INPP5A: variants seen among roughly 807,000 people sequenced by gnomAD.
INPP5A encodes the protein inositol polyphosphate-5-phosphatase A.
A neutral mutation model predicts 65.2 loss-of-function variants in INPP5A; 14 were observed. The ratio of observed to expected loss-of-function variants is 0.21; its 90% CI spans 0.14 to 0.34. INPP5A has a LOEUF of 0.34. INPP5A is among the 10% of genes least tolerant of loss of function. The pLI is 1.00. For synonymous variants in INPP5A, 207 were observed against 208.3 expected, an observed-to-expected ratio of 0.99 and a Z score of 0.05; for missense variants, 431 against 545.6, an observed-to-expected ratio of 0.79 and a Z score of 2.09.
At chr10:132,640,548 G>A (rs753454246) in intron 2 of INPP5A, among the ~76,000 whole-genome samples, 17 of 152,358 alleles carry the variant, frequency 1.1e-4, no homozygotes, top group South Asian at 2.1e-4. Context: ...TAAGAGGCTC[G>A]CCCTGTGTAT....
chr10:132,609,745 C>T (rs1002570284), intron 2 of INPP5A, among the ~76,000 whole-genome samples: 4 of 152,132 alleles, frequency 2.6e-5, no homozygotes, highest in African/African-American at 9.7e-5. Context: ...CCCGGGTTCA[C>T]GCCATTCTCC....
intron 1 of INPP5A, among the ~76,000 whole-genome samples, chr10:132,606,569 G>A (rs146453097): frequency 0.01 from 1,555 of 152,358 alleles, 31 homozygotes; most frequent in African/African-American, 0.035. Context: ...TTCTTGTCAG[G>A]TTTTTTATTT....
intron 2 of INPP5A, among the ~76,000 whole-genome samples, chr10:132,630,509 A>G (rs540327377): frequency 2.0e-5 from 3 of 151,932 alleles, no homozygotes; most frequent in African/African-American, 7.2e-5. Context: ...CTTGAGGAAA[A>G]GGCATCCATG....
intron 14 of INPP5A, among the ~76,000 whole-genome samples, chr10:132,781,452 G>A (rs1847159876): frequency 6.6e-6 from 1 of 152,206 alleles, no homozygotes; most frequent in South Asian, 2.1e-4. Context: ...TTCCACGTTG[G>A]AGGCCCAGAG....
At chr10:132,745,055 G>A (rs1846344443) in intron 9 of INPP5A, among the ~76,000 whole-genome samples, 1 of 152,312 alleles carries the variant, frequency 6.6e-6, no homozygotes, top group Middle Eastern at 3.4e-3. Context: ...GGCTCAGGAG[G>A]CCACAGAGGT....
rs1273174105 is a variant in INPP5A at position 132,630,117 on chromosome 10, GA to G, written c.118-15750del. Among the ~76,000 whole-genome samples the G allele has an allele frequency of 2.7e-4, 41 of 152,144 alleles. 1 individual carries two copies. Among genetic ancestry groups the G allele is most frequent in the Admixed American group, 2.7e-3 (41 of 15,284 alleles). On this transcript the variant is annotated intron_variant, in intron 2 of 15. Transcript: ENST00000368594. ...TCCTTCAGAAAGGCATCTATGAGGGGATGATGTCCTCCAGGAAAAGGCGTCT... is the reference window on the plus strand; with the variant it reads ...TCCTTCAGAAAGGCATCTATGAGGGGTGATGTCCTCCAGGAAAAGGCGTCT...
intron 8 of INPP5A, among the ~76,000 whole-genome samples, chr10:132,721,504 T>G (rs1845879743): frequency 6.7e-6 from 1 of 150,280 alleles, no homozygotes; most frequent in African/African-American, 2.5e-5. Flanking sequence ...GGTGCCTGGG[T>G]TCTGTCTGGG....
intron 1 of INPP5A, among the ~76,000 whole-genome samples, chr10:132,591,612 G>T (rs1029883032): frequency 2.6e-5 from 4 of 152,342 alleles, no homozygotes; most frequent in African/African-American, 9.6e-5. Context: ...TTCTCTTCCA[G>T]CAGGCCTTCC....
rs2072711892 is a variant in INPP5A, at chr10:132,659,814, G to A, written c.306+9309G>A. ...CTGCCTGCCCTGGGAGGTGGAGCAT[G>A]GAGAAGGCCAGTGCCTCATCACAGA... On this transcript the variant is annotated intron_variant, in intron 4 of 15. Transcript: ENST00000368594. The surrounding 1 kb of genome is among the most constrained non-coding windows in gnomAD (Gnocchi z 5.5). 6.6e-6 allele frequency among the ~76,000 whole-genome samples: 1 copy of A among 152,236 alleles called. No homozygotes were observed. Among genetic ancestry groups the A allele is most frequent in the Non-Finnish European group, 1.5e-5 (1 of 68,038 alleles).
intron 1 of INPP5A, among the ~76,000 whole-genome samples, chr10:132,542,703 G>C (rs1186748285): frequency 6.6e-6 from 1 of 152,214 alleles, no homozygotes; most frequent in Non-Finnish European, 1.5e-5. Flanking sequence ...CAGAATTTTT[G>C]CTCCCTCTGT....
intron 1 of INPP5A, among the ~76,000 whole-genome samples, chr10:132,599,378 C>T (rs1262758003): frequency 6.6e-6 from 1 of 152,236 alleles, no homozygotes; most frequent in Non-Finnish European, 1.5e-5. Flanking sequence ...AATTTTAAAG[C>T]TCCAAAATGA....
At chr10:132,543,300 G>C (rs1007259704) in intron 1 of INPP5A, among the ~76,000 whole-genome samples, 4 of 152,138 alleles carry the variant, frequency 2.6e-5, no homozygotes, top group Non-Finnish European at 5.9e-5. Flanking sequence ...CCTGTCCCGG[G>C]CGTTTCACAT....
intron 4 of INPP5A, among the ~76,000 whole-genome samples, chr10:132,670,057 C>T (rs1032240698): frequency 2.0e-5 from 3 of 148,334 alleles, no homozygotes; most frequent in Admixed American, 6.7e-5. Flanking sequence ...TCACTGCACA[C>T]GTTCTCAGCC....
chr10:132,768,085 A>G (rs563132678), intron 12 of INPP5A, among the ~76,000 whole-genome samples: 1 of 141,354 alleles, frequency 7.1e-6, no homozygotes, highest in African/African-American at 2.7e-5. Context: ...CATTCCAGAA[A>G]GATCCATGGA....
intron 4 of INPP5A, among the ~76,000 whole-genome samples, chr10:132,687,707 G>A (rs1845160528): frequency 6.6e-6 from 1 of 152,170 alleles, no homozygotes; most frequent in Non-Finnish European, 1.5e-5. Flanking sequence ...TTCTCCCACC[G>A]AGGTCTGGCA....
rs978140667 is a variant in INPP5A, at chr10:132,651,841, G to C, written c.306+1336G>C. ...GTGGTCCCCACCAGTAGTGGAGTCT[G>C]TACAATCCCGGGAATCCCCCGTTCG... On this transcript the variant is annotated intron_variant, in intron 4 of 15. Coordinates refer to ENST00000368594, the MANE Select transcript of INPP5A (RefSeq NM_005539.5). This position sits in a 1 kb window ranked among gnomAD's most constrained non-coding sequence, Gnocchi z 5.0. Among the ~76,000 whole-genome samples the C allele has an allele frequency of 2.6e-5, 4 of 152,188 alleles. No individual in the cohort carries two copies. Among genetic ancestry groups the C allele is most frequent in the African/African-American group, 9.7e-5 (4 of 41,436 alleles).
At chr10:132,608,000 CAA>C (rs1386134066) in intron 2 of INPP5A, 44 bp downstream of exon 2, 1 of 1,573,462 alleles carries the variant, frequency 6.4e-7, no homozygotes, top group East Asian at 2.2e-5. Flanking sequence ...ATTACTTAGC[CAA>C]TAAGGTGCCT....
At chr10:132,618,969 T>C (rs2072077793) in intron 2 of INPP5A, among the ~76,000 whole-genome samples, 1 of 152,214 alleles carries the variant, frequency 6.6e-6, no homozygotes, top group Admixed American at 6.5e-5. Context: ...CATTTCAACA[T>C]GAGATTTGGC....
intron 1 of INPP5A, among the ~76,000 whole-genome samples, chr10:132,561,122 G>A (rs2071199441): frequency 6.7e-6 from 1 of 149,346 alleles, no homozygotes; most frequent in Admixed American, 6.7e-5. Context: ...GAGTTCAGTG[G>A]TGTGATCGTG....
Sources: allele counts gnomAD v4.1 joint callset (sites outside exome capture counted in the v4.1 genomes callset), GRCh38; gene constraint gnomAD v4.1.1; non-coding constraint Gnocchi (gnomAD v3.1); transcripts MANE v1.5; gene names NCBI Gene and HGNC (gene_info 2026-07-23, HGNC 2026-07-21).